Variants in FCHO1 observed in about 807,000 individuals in gnomAD.
FCHO1 encodes the protein F-BAR domain only protein 1.
A neutral mutation model predicts 114.4 loss-of-function variants in FCHO1; 45 were observed. That is an observed-to-expected ratio of 0.39 (90% CI 0.31 to 0.50). The LOEUF (loss-of-function observed/expected upper bound fraction) is 0.50. Ranked by LOEUF, FCHO1 falls within the 20% of genes least tolerant of loss-of-function variation. The pLI is 0.77. For missense variants in FCHO1, 1,042 were observed against 1,209.6 expected, an observed-to-expected ratio of 0.86 and a Z score of 2.06; for synonymous variants, 480 against 488.9, an observed-to-expected ratio of 0.98 and a Z score of 0.24.
intron 7 of FCHO1, 69 bp from the exon 8 acceptor site, chr19:17,770,356 C>A: frequency 6.9e-7 from 1 of 1,446,134 alleles, no homozygotes; most frequent in Non-Finnish European, 9.3e-7. Flanking sequence ...GTGGAGCTGA[C>A]ATCACGTGGA....
intron 20 of FCHO1, among the ~76,000 whole-genome samples, chr19:17,780,628 C>T (rs773446611): frequency 1.3e-5 from 2 of 152,056 alleles, no homozygotes; most frequent in Admixed American, 6.6e-5. Context: ...CACAGGGCAG[C>T]CCCCGCCCCC....
At chr19:17,769,451 C>G (rs1039379925) in intron 7 of FCHO1, among the ~76,000 whole-genome samples, 1 of 149,088 alleles carries the variant, frequency 6.7e-6, no homozygotes, top group Admixed American at 6.7e-5. Flanking sequence ...GTGGTGGCGG[C>G]GCCTGTAGTC....
rs2147438770 is a variant in FCHO1 at position 17,784,624 on chromosome 19, G to A, written c.2227-101G>A. 9.0e-7 allele frequency: 1 copy of A among 1,114,218 alleles called. No homozygotes were observed. Among genetic ancestry groups the A allele is most frequent in the Non-Finnish European group, 1.4e-6 (1 of 735,948 alleles). 69.0% of individuals were successfully genotyped at this position (1,114,218 alleles called of 1,614,324 possible). ...CTCCCTGTGACTGGACCCCCTTGGG[G>A]CGGTGCGTGCATCGCAGGGTCAAGG... is the stretch of plus-strand genomic sequence containing the variant. On this transcript the variant is annotated intron_variant, in intron 25 of 28. Coordinates refer to ENST00000596536, the MANE Select transcript of FCHO1 (RefSeq NM_015122.3). This position sits in a 1 kb window ranked among gnomAD's most constrained non-coding sequence, Gnocchi z 5.3.
At chr19:17,786,935 CAAAA>C (rs1165196080) in intron 27 of FCHO1, among the ~76,000 whole-genome samples, 1 of 150,638 alleles carries the variant, frequency 6.6e-6, no homozygotes, top group Non-Finnish European at 1.5e-5. Flanking sequence ...AACAAACAAA[CAAAA>C]AAGGCCAGGT....
At chr19:17,754,835 C>T in intron 3 of FCHO1, 154 bp downstream of exon 3, 1 of 372,118 alleles carries the variant, frequency 2.7e-6, no homozygotes, top group Non-Finnish European at 5.1e-6. Context: ...CATTCCATGC[C>T]CCCTCCTCCA....
chr19:17,766,504 T>C (rs1226351004), intron 6 of FCHO1, 165 bp from the exon 7 acceptor site: 3 of 847,262 alleles, frequency 3.5e-6, no homozygotes, highest in African/African-American at 1.7e-5. Flanking sequence ...AGTTTCCCCA[T>C]CTGTCACAGG....
chr19:17,777,607 A>G (rs2094094054), intron 18 of FCHO1, among the ~76,000 whole-genome samples: 2 of 151,914 alleles, frequency 1.3e-5, no homozygotes, highest in South Asian at 4.1e-4. Flanking sequence ...TGCTACGAAG[A>G]AACTAAAGCA....
intron 4 of FCHO1, among the ~76,000 whole-genome samples, chr19:17,757,332 G>A (rs2083996141): frequency 1.3e-5 from 2 of 152,140 alleles, no homozygotes; most frequent in Non-Finnish European, 2.9e-5. Context: ...AGACGCTGCT[G>A]GGGGTTTGCC....
intron 4 of FCHO1, among the ~76,000 whole-genome samples, chr19:17,758,471 A>G (rs2084686501): frequency 6.6e-6 from 1 of 152,182 alleles, no homozygotes; most frequent in Admixed American, 6.6e-5. Flanking sequence ...GGAAGAAGCT[A>G]GGAGATGAGG....
intron 4 of FCHO1, among the ~76,000 whole-genome samples, chr19:17,761,721 C>T (rs1041223199): frequency 2.0e-5 from 3 of 151,290 alleles, no homozygotes; most frequent in Non-Finnish European, 4.4e-5. Context: ...AGTGCAATGG[C>T]GTGATCTCGG....
intron 4 of FCHO1, among the ~76,000 whole-genome samples, chr19:17,761,025 C>G (rs961437243): frequency 8.5e-5 from 13 of 152,182 alleles, no homozygotes; most frequent in Non-Finnish European, 1.6e-4. Flanking sequence ...CAGTGCAGCC[C>G]TGGCCTCCCC....
Position 17,784,007 on chromosome 19 carries a change from C to T in FCHO1, c.2094-96C>T. 1 of 1,468,884 alleles carries T rather than the reference C, an allele frequency of 6.8e-7. No individual in the cohort carries two copies. The highest frequency in any genetic ancestry group is 1.3e-5 in the South Asian group (1 of 76,676). 91.0% of individuals were successfully genotyped at this position (1,468,884 alleles called of 1,614,324 possible). A position where few individuals can be genotyped will look rare whatever the true frequency, so the allele number is the denominator to read the frequency against. On this transcript the variant is annotated intron_variant, in intron 24 of 28. Coordinates refer to ENST00000596536, the MANE Select transcript of FCHO1 (RefSeq NM_015122.3). This position sits in a 1 kb window ranked among gnomAD's most constrained non-coding sequence, Gnocchi z 5.3. The stretch of plus-strand genomic sequence containing the variant: ...GGGCTTTGCTGGGCCCAGGGTGGGC[C>T]AGGAAATTGCATCTTTAGGAAGGGG...
intron 1 of FCHO1, among the ~76,000 whole-genome samples, chr19:17,753,269 A>C (rs983824819): frequency 6.6e-6 from 1 of 152,188 alleles, no homozygotes; most frequent in Admixed American, 6.5e-5. Context: ...CCTGCCACCA[A>C]ACTAGGTTTC....
At chr19:17,762,298 T>G (rs910121294) in intron 4 of FCHO1, among the ~76,000 whole-genome samples, 3 of 151,838 alleles carry the variant, frequency 2.0e-5, no homozygotes, top group Non-Finnish European at 4.4e-5. Flanking sequence ...ACACACTTTT[T>G]TTTTTTTTTA....
chr19:17,770,352 C>G, intron 7 of FCHO1, 73 bp from the exon 8 acceptor site: 1 of 1,427,754 alleles, frequency 7.0e-7, no homozygotes, highest in Non-Finnish European at 9.4e-7. Context: ...GACTGTGGAG[C>G]TGACATCACG....
At position 17,770,594 on chromosome 19, in the gene FCHO1, G is replaced by C. The variant is rs761956424; in HGVS notation, c.489+17G>C. On this transcript the variant is annotated intron_variant, in intron 8 of 28. Coordinates refer to ENST00000596536, the MANE Select transcript of FCHO1 (RefSeq NM_015122.3). ...ATGGACAAGGTGGGCTCACAGTGGG[G>C]GGGTTCTGAGGAATTTGCCGCGGGG... 7.5e-6 allele frequency: 12 copies of C among 1,604,430 alleles called. No homozygotes were observed. The highest frequency in any genetic ancestry group is 7.7e-6 in the Non-Finnish European group (9 of 1,173,842).
intron 4 of FCHO1, among the ~76,000 whole-genome samples, chr19:17,760,175 C>T (rs571002915): frequency 2.6e-5 from 4 of 152,044 alleles, no homozygotes; most frequent in African/African-American, 9.7e-5. Context: ...CCTCAGCCTC[C>T]GAATAGCTGG....
Position 17,776,074 on chromosome 19 carries a change from G to A in FCHO1, c.1095G>A (p.Pro365=), listed in dbSNP as rs1337997630. The change falls in exon 16 of 29, where the codon CCG becomes CCA. Residue 365 remains proline, a synonymous_variant. Transcript: ENST00000596536. This position sits in a 1 kb window ranked among gnomAD's most constrained non-coding sequence, Gnocchi z 4.4. ...RKFYVHIKPA[P]ARAPACSPEA... ...TCTATGTGCACATCAAGCCTGCCCC[G>A]GCCCGGGCTCCAGCCTGCAGCCCCG... 13 of 1,611,678 alleles carry A rather than the reference G, an allele frequency of 8.1e-6. No homozygotes were observed. The highest frequency in any genetic ancestry group is 4.0e-5 in the African/African-American group (3 of 75,028).
chr19:17,770,255 C>T (rs915688037), intron 7 of FCHO1, among the ~76,000 whole-genome samples, 170 bp from the exon 8 acceptor site: 2 of 152,038 alleles, frequency 1.3e-5, no homozygotes, highest in African/African-American at 2.4e-5. Context: ...GAGTCGAGAT[C>T]GTGCCACTGC....
Sources: gnomAD v4.1 joint callset for allele counts (sites outside exome capture counted in the v4.1 genomes callset) on GRCh38, gnomAD v4.1.1 for gene constraint, Gnocchi (gnomAD v3.1) non-coding constraint, MANE v1.5 for transcripts, NCBI Gene and HGNC (gene_info 2026-07-23, HGNC 2026-07-21) for gene names.